HERC4: variants seen among roughly 807,000 people sequenced by gnomAD.
The protein encoded by HERC4 is probable E3 ubiquitin-protein ligase HERC4.
In HERC4, 28 loss-of-function variants were observed where a neutral mutation model predicts 124.3. That is an observed-to-expected ratio of 0.23 (90% CI 0.17 to 0.31). HERC4 has a LOEUF of 0.31. HERC4 is among the 10% of genes least tolerant of loss of function. HERC4 has a pLI of 1.00. For missense variants in HERC4, 713 were observed against 1,229.3 expected, an observed-to-expected ratio of 0.58 and a Z score of 6.28; for synonymous variants, 407 against 421.5, an observed-to-expected ratio of 0.97 and a Z score of 0.42.
chr10:68,009,014 A>C (rs1205004290), intron 9 of HERC4, among the ~76,000 whole-genome samples: 1 of 152,168 alleles, frequency 6.6e-6, no homozygotes, highest in Non-Finnish European at 1.5e-5. Flanking sequence ...TAAGGCCAGA[A>C]GTCTGAGACC....
At chr10:68,038,593 C>G (rs2039596466) in intron 4 of HERC4, among the ~76,000 whole-genome samples, 1 of 152,140 alleles carries the variant, frequency 6.6e-6, no homozygotes, top group African/African-American at 2.4e-5. Flanking sequence ...TAGTTTAATG[C>G]ACGTTCTCCT....
At chr10:67,990,564 G>GTCTTTGTAAGACATTGT (rs1210030898) in intron 13 of HERC4, among the ~76,000 whole-genome samples, 164 bp from the exon 14 acceptor site, 3 of 151,546 alleles carry the variant, frequency 2.0e-5, no homozygotes, top group African/African-American at 7.3e-5. Flanking sequence ...GTCTTACAAT[G>GTCTTTGTAAGACATTGT]AATATACTTT....
intron 23 of HERC4, among the ~76,000 whole-genome samples, chr10:67,930,639 T>C (rs1178279853): frequency 1.3e-5 from 2 of 152,230 alleles, no homozygotes; most frequent in Non-Finnish European, 2.9e-5. Context: ...TTAATAGGTA[T>C]ACAGTATCTA....
chr10:68,037,004 C>T (rs755341434), intron 5 of HERC4, among the ~76,000 whole-genome samples: 8 of 152,044 alleles, frequency 5.3e-5, no homozygotes, highest in Non-Finnish European at 1.0e-4. Flanking sequence ...CTGTGCTTCC[C>T]CATGGTTCCT....
Position 67,990,976 on chromosome 10 carries a change from C to G in HERC4, c.1371G>C (p.Gly457=). The G allele has an allele frequency of 3.1e-6, 5 of 1,607,162 alleles. No homozygotes were observed. Among genetic ancestry groups the G allele is most frequent in the Non-Finnish European group, 4.3e-6 (5 of 1,175,826 alleles). ...DHYRTGTRFS[G]VDMNAARLLF... ...AAAGCCTAGCAGCATTCATATCAAC[C>G]CCTGAAAATCTGGTACCTGTTCTAT... The change falls in exon 13 of 25, where the codon GGG becomes GGC. Residue 457 remains glycine, a synonymous_variant. Coordinates refer to ENST00000373700, the MANE Select transcript of HERC4 (RefSeq NM_015601.4).
intron 23 of HERC4, among the ~76,000 whole-genome samples, chr10:67,929,768 G>GCC (rs1428897414): frequency 2.0e-5 from 3 of 151,970 alleles, no homozygotes; most frequent in African/African-American, 7.3e-5. Flanking sequence ...GCCAACCTCA[G>GCC]CCTCCCAAAG....
intron 23 of HERC4, among the ~76,000 whole-genome samples, chr10:67,929,441 T>C (rs2031533446): frequency 6.6e-6 from 1 of 152,208 alleles, no homozygotes; most frequent in Non-Finnish European, 1.5e-5. Context: ...AATGGAGCCA[T>C]ACAGTATGCA....
intron 3 of HERC4, among the ~76,000 whole-genome samples, chr10:68,045,358 T>C (rs1431915191): frequency 6.6e-6 from 1 of 152,148 alleles, no homozygotes; most frequent in Non-Finnish European, 1.5e-5. Flanking sequence ...GGAAATAATC[T>C]GAATTAGCAA....
chr10:68,035,213 C>T (rs775351605), intron 5 of HERC4, among the ~76,000 whole-genome samples: 7 of 149,492 alleles, frequency 4.7e-5, no homozygotes, highest in Non-Finnish European at 1.0e-4. Context: ...AGTGCAGTGG[C>T]GCAATCTTCA....
At position 68,011,778 on chromosome 10, in the gene HERC4, TAA is replaced by T. The variant is rs942775660; in HGVS notation, c.1069+2246_1069+2247del. 1.2e-4 allele frequency among the ~76,000 whole-genome samples: 19 copies of T among 152,326 alleles called. 1 individual carries two copies. Among genetic ancestry groups the T allele is most frequent in the African/African-American group, 4.6e-4 (19 of 41,576 alleles). On this transcript the variant is annotated intron_variant, in intron 9 of 24. Coordinates refer to ENST00000373700, the MANE Select transcript of HERC4 (RefSeq NM_015601.4). ...TGGTAAACAAGCACTGGCTTCAACC[TAA>T]AGTCACCAGATGCATTAGACCCTAA...
intron 19 of HERC4, among the ~76,000 whole-genome samples, chr10:67,944,050 C>T (rs181508782): frequency 3.3e-5 from 5 of 152,352 alleles, no homozygotes; most frequent in South Asian, 2.1e-4. Context: ...AGAACACAAG[C>T]TTCGCTGGCT....
chr10:67,983,526 T>A (rs907061578), intron 15 of HERC4, among the ~76,000 whole-genome samples: 10 of 152,102 alleles, frequency 6.6e-5, no homozygotes, highest in African/African-American at 1.9e-4. Context: ...GTGCCTGTAA[T>A]CCCAGCACTT....
At chr10:68,050,590 A>G (rs1378243304) in intron 3 of HERC4, among the ~76,000 whole-genome samples, 2 of 152,236 alleles carry the variant, frequency 1.3e-5, no homozygotes, top group Non-Finnish European at 2.9e-5. Flanking sequence ...ATAAAAACAC[A>G]CAACTTGAGA....
chr10:68,057,823 CT>C (rs1031957529), intron 3 of HERC4, among the ~76,000 whole-genome samples: 24 of 151,932 alleles, frequency 1.6e-4, no homozygotes, highest in African/African-American at 5.8e-4. Context: ...CCTCAGCCTC[CT>C]GAGTAGCTGG....
chr10:68,073,912 A>G (rs988954573), intron 1 of HERC4: 1 of 151,828 alleles, frequency 6.6e-6, no homozygotes, highest in East Asian at 1.9e-4. Flanking sequence ...AGAAAAAAAA[A>G]CATGCAATTT....
Position 67,954,993 on chromosome 10 carries a change from T to C in HERC4, c.2163A>G (p.Thr721=). ...VGDAMEVLRK[T]KNIDYKKPLK... ...GTGGCTTCTTGTAATCTATGTTCTT[T>C]GTTTTCCTAAGGACTTCCATTGCAT... is the stretch of plus-strand genomic sequence containing the variant. Residue 721 remains threonine, a synonymous_variant, in exon 18 of 25, where the codon ACA becomes ACG. Transcript: ENST00000373700. 6.2e-7 allele frequency: 1 copy of C among 1,603,936 alleles called. No individual in the cohort carries two copies. The highest frequency in any genetic ancestry group is 1.1e-5 in the South Asian group (1 of 89,520).
At chr10:68,033,374 C>T (rs1307232044) in intron 6 of HERC4, among the ~76,000 whole-genome samples, 2 of 152,170 alleles carry the variant, frequency 1.3e-5, no homozygotes, top group Non-Finnish European at 2.9e-5. Flanking sequence ...AGATTAATAA[C>T]TCACTTTTGT....
intron 9 of HERC4, among the ~76,000 whole-genome samples, chr10:67,999,147 T>C (rs1025486470): frequency 2.0e-5 from 3 of 152,254 alleles, no homozygotes; most frequent in Non-Finnish European, 4.4e-5. Flanking sequence ...CTCAAGATTA[T>C]TAAGTTGTAT....
intron 3 of HERC4, among the ~76,000 whole-genome samples, chr10:68,063,151 T>G (rs1010900811): frequency 6.6e-6 from 1 of 152,210 alleles, no homozygotes; most frequent in Non-Finnish European, 1.5e-5. Flanking sequence ...CCCTACTAGA[T>G]CATTAAATGA....
Sources: allele counts gnomAD v4.1 joint callset (sites outside exome capture counted in the v4.1 genomes callset), GRCh38; gene constraint gnomAD v4.1.1; transcripts MANE v1.5; gene names NCBI Gene and HGNC (gene_info 2026-07-23, HGNC 2026-07-21).